The following PDE1C variants were observed in gnomAD, a reference collection of about 807,000 sequenced individuals.
The protein encoded by PDE1C is phosphodiesterase 1C, also known as dual specificity calcium/calmodulin-dependent 3',5'-cyclic nucleotide phosphodiesterase 1C.
Under a neutral mutation model 93.1 loss-of-function variants are expected in PDE1C, and 62 were observed. The ratio of observed to expected loss-of-function variants is 0.67; its 90% CI spans 0.54 to 0.82. The LOEUF is 0.82. Among genes scored for constraint, PDE1C ranks in the 40% least tolerant of loss-of-function variants. The pLI is 0.00. For missense variants in PDE1C, 742 were observed against 884.6 expected, an observed-to-expected ratio of 0.84 and a Z score of 2.04; for synonymous variants, 325 against 310.1, an observed-to-expected ratio of 1.05 and a Z score of -0.50.
intron 3 of PDE1C, among the ~76,000 whole-genome samples, chr7:32,082,308 G>A (rs1160731271): frequency 1.3e-5 from 2 of 152,232 alleles, no homozygotes; most frequent in Non-Finnish European, 2.9e-5. Flanking sequence ...CGAGGCTGGG[G>A]GAGGGGCGCC....
At chr7:31,805,213 C>T (rs1786664995) in intron 16 of PDE1C, among the ~76,000 whole-genome samples, 3 of 151,528 alleles carry the variant, frequency 2.0e-5, no homozygotes, top group Admixed American at 2.0e-4. Flanking sequence ...TTATAAATTA[C>T]CCAGTTTGGG....
chr7:32,324,944 A>G (rs1332126102), intron 1 of PDE1C, among the ~76,000 whole-genome samples: 4 of 152,148 alleles, frequency 2.6e-5, no homozygotes, highest in South Asian at 2.1e-4. Context: ...GGAAGGCCCT[A>G]TCTCAAAAAG....
the PDE1C span, among the ~76,000 whole-genome samples, chr7:31,668,516 T>C: frequency 1.3e-5 from 2 of 151,990 alleles, no homozygotes; most frequent in African/African-American, 2.4e-5. Flanking sequence ...GAAATACTGA[T>C]ATCTACTACA....
At chr7:32,055,467 G>C (rs778154865) in intron 1 of PDE1C, among the ~76,000 whole-genome samples, 2 of 152,108 alleles carry the variant, frequency 1.3e-5, no homozygotes, top group Non-Finnish European at 2.9e-5. Flanking sequence ...AAGTGGCTGA[G>C]ACAGAAGGCA....
At chr7:31,621,662 G>A in the PDE1C span, among the ~76,000 whole-genome samples, 1 of 147,706 alleles carries the variant, frequency 6.8e-6, no homozygotes, top group Non-Finnish European at 1.5e-5. Context: ...ATGCCAAAAT[G>A]TAAAGACCAT....
chr7:31,696,913 T>C, the PDE1C span: 1 of 1,549,412 alleles, frequency 6.5e-7, no homozygotes, highest in Non-Finnish European at 8.8e-7. Context: ...CCTCATATAT[T>C]AGGATATATG....
At chr7:31,757,412 C>G (rs1216414221) in intron 17 of PDE1C, among the ~76,000 whole-genome samples, 1 of 152,146 alleles carries the variant, frequency 6.6e-6, no homozygotes, top group Non-Finnish European at 1.5e-5. Flanking sequence ...AACATTTCTT[C>G]TATAGAATCA....
chr7:31,654,656 G>A, the PDE1C span, among the ~76,000 whole-genome samples: 1 of 152,112 alleles, frequency 6.6e-6, no homozygotes, highest in Non-Finnish European at 1.5e-5. Context: ...CAGTGGAAAT[G>A]CAGGGAATGG....
intron 1 of PDE1C, among the ~76,000 whole-genome samples, chr7:32,412,405 G>C (rs894466869): frequency 6.7e-6 from 1 of 148,408 alleles, no homozygotes; most frequent in East Asian, 2.0e-4. Flanking sequence ...GCAGTAAGCG[G>C]AGATCACACC....
At chr7:31,949,257 A>G (rs1807035284) in intron 2 of PDE1C, among the ~76,000 whole-genome samples, 1 of 152,142 alleles carries the variant, frequency 6.6e-6, no homozygotes, top group Non-Finnish European at 1.5e-5. Context: ...TCAGGAGTTC[A>G]AGATCAGCCT....
At chr7:32,311,599 T>C (rs74888529) in intron 1 of PDE1C, among the ~76,000 whole-genome samples, 32,924 of 151,598 alleles carry the variant, frequency 0.22, 3,625 homozygotes, top group African/African-American at 0.25. Context: ...GCTGGTTCAA[T>C]ATACGCAAAT....
At chr7:32,182,121 A>T (rs1396333307) in intron 2 of PDE1C, among the ~76,000 whole-genome samples, 3 of 152,230 alleles carry the variant, frequency 2.0e-5, no homozygotes, top group African/African-American at 4.8e-5. Context: ...ATCTCTGAAT[A>T]GACCAATAAC....
intron 2 of PDE1C, among the ~76,000 whole-genome samples, chr7:31,933,403 G>C (rs948294040): frequency 6.6e-6 from 1 of 152,122 alleles, no homozygotes; most frequent in Non-Finnish European, 1.5e-5. Flanking sequence ...GAAGAATAAT[G>C]TCTAATACAA....
chr7:32,188,867 T>C (rs954555622), intron 2 of PDE1C, among the ~76,000 whole-genome samples: 3 of 152,176 alleles, frequency 2.0e-5, no homozygotes, highest in South Asian at 4.1e-4. Flanking sequence ...CTAGATTTTA[T>C]TCATCATCTA....
chr7:32,002,483 T>TCC (rs764380401), intron 2 of PDE1C, among the ~76,000 whole-genome samples: 15 of 152,160 alleles, frequency 9.9e-5, no homozygotes, highest in Non-Finnish European at 1.9e-4. Flanking sequence ...AATGGGGTGA[T>TCC]CCAGGTACCT....
At chr7:31,652,957 C>T in the PDE1C span, 3 of 1,472,008 alleles carry the variant, frequency 2.0e-6, no homozygotes, top group Non-Finnish European at 2.7e-6. Context: ...TCATATTCTA[C>T]CCTTTGGTTA....
chr7:31,984,322 ATGCC>A (rs1391054747), intron 2 of PDE1C, among the ~76,000 whole-genome samples: 4 of 152,134 alleles, frequency 2.6e-5, no homozygotes, highest in African/African-American at 9.7e-5. Flanking sequence ...TGAGATTCTA[ATGCC>A]TGATGATCTG....
At chr7:32,427,540 A>C (rs1785559511) in intron 1 of PDE1C, among the ~76,000 whole-genome samples, 1 of 152,196 alleles carries the variant, frequency 6.6e-6, no homozygotes. Flanking sequence ...CAAGACAACA[A>C]GAAAGGCTTC....
intron 3 of PDE1C, among the ~76,000 whole-genome samples, chr7:32,109,634 C>T (rs1048894655): frequency 6.6e-6 from 1 of 152,154 alleles, no homozygotes; most frequent in African/African-American, 2.4e-5. Flanking sequence ...AAACTGTCTG[C>T]AGCTGAGAAT....
Sources: allele counts gnomAD v4.1 joint callset (sites outside exome capture counted in the v4.1 genomes callset), GRCh38; gene constraint gnomAD v4.1.1; transcripts MANE v1.5; gene names NCBI Gene and HGNC (gene_info 2026-07-23, HGNC 2026-07-21).